The following ARL15 variants were observed in gnomAD, a reference collection of about 807,000 sequenced individuals.
The protein encoded by ARL15 is ADP-ribosylation factor-like protein 15.
ARL15 carries 19 observed loss-of-function variants against 25.2 expected under a neutral mutation model. The ratio of observed to expected loss-of-function variants is 0.75; its 90% CI spans 0.53 to 1.10. ARL15 has a LOEUF of 1.10. ARL15 is among the 50% of genes least tolerant of loss of function. ARL15 has a pLI of 0.00. For synonymous variants in ARL15, 94 were observed against 86.8 expected (o/e 1.08, Z -0.46); for missense variants, 220 against 246.0 (o/e 0.89, Z 0.71).
intron 1 of ARL15, among the ~76,000 whole-genome samples, chr5:54,254,591 T>C (rs1234622791): frequency 6.6e-6 from 1 of 152,226 alleles, no homozygotes; most frequent in Non-Finnish European, 1.5e-5. Context: ...AAGACCCTCA[T>C]GATGGTTTTA....
intron 1 of ARL15, among the ~76,000 whole-genome samples, chr5:54,184,299 C>G (rs925481004): frequency 1.4e-4 from 21 of 145,862 alleles, no homozygotes; most frequent in Non-Finnish European, 2.6e-4. Context: ...AAAAATTAGC[C>G]AGGTGTGATG....
At chr5:53,918,084 T>C (rs1189807226) in intron 4 of ARL15, among the ~76,000 whole-genome samples, 3 of 152,076 alleles carry the variant, frequency 2.0e-5, no homozygotes, top group Non-Finnish European at 4.4e-5. Flanking sequence ...CCAAGAACAC[T>C]AGATGCCCAA....
chr5:54,034,398 T>C (rs1272112563), intron 4 of ARL15, among the ~76,000 whole-genome samples: 1 of 152,086 alleles, frequency 6.6e-6, no homozygotes, highest in Non-Finnish European at 1.5e-5. Context: ...TTCAACCACA[T>C]GAATCTTGAA....
chr5:54,158,090 GA>G (rs1754294546), intron 2 of ARL15, among the ~76,000 whole-genome samples: 1 of 152,100 alleles, frequency 6.6e-6, no homozygotes, highest in Admixed American at 6.5e-5. Context: ...CAGGTTGGAT[GA>G]GGCCAAGGGG....
intron 1 of ARL15, among the ~76,000 whole-genome samples, chr5:54,225,712 A>T (rs568104295): frequency 2.0e-5 from 3 of 152,262 alleles, no homozygotes; most frequent in Non-Finnish European, 2.9e-5. Flanking sequence ...CCTGAAGCTG[A>T]CAAGAGGGTG....
intron 4 of ARL15, among the ~76,000 whole-genome samples, chr5:53,911,784 C>T (rs1286818426): frequency 1.3e-5 from 2 of 152,120 alleles, no homozygotes; most frequent in African/African-American, 4.8e-5. Context: ...AACATATGGT[C>T]ATCTGGCATT....
At chr5:53,992,144 G>A (rs758866488) in intron 4 of ARL15, among the ~76,000 whole-genome samples, 53 of 152,034 alleles carry the variant, frequency 3.5e-4, no homozygotes, top group Non-Finnish European at 5.6e-4. Context: ...GGAATGTAGC[G>A]CCATCTAATG....
intron 1 of ARL15, among the ~76,000 whole-genome samples, chr5:54,258,458 G>C (rs1314156923): frequency 6.6e-6 from 1 of 152,272 alleles, no homozygotes; most frequent in Non-Finnish European, 1.5e-5. Flanking sequence ...GATTCATAGA[G>C]AAAAATCAAG....
At chr5:54,167,844 C>G (rs553536963) in intron 2 of ARL15, among the ~76,000 whole-genome samples, 2 of 152,026 alleles carry the variant, frequency 1.3e-5, no homozygotes, top group African/African-American at 4.8e-5. Context: ...GCTCTTCATC[C>G]CCTCAATTCT....
intron 4 of ARL15, among the ~76,000 whole-genome samples, chr5:53,984,649 T>C (rs981715550): frequency 3.9e-5 from 6 of 152,196 alleles, no homozygotes; most frequent in African/African-American, 1.2e-4. Flanking sequence ...TAATAACTAT[T>C]ATTTACCATA....
chr5:54,127,852 A>T lies in ARL15; in HGVS notation c.254-14442T>A, dbSNP rs375799721. Reference sequence around the variant, plus strand: ...ATCAATGGAACAGAACAGAGCCCTCAGAAATAATGCCGCATATCTACAACT... The same window carrying T: ...ATCAATGGAACAGAACAGAGCCCTCTGAAATAATGCCGCATATCTACAACT... On this transcript the variant is annotated intron_variant, in intron 3 of 4. Coordinates refer to ENST00000504924, the MANE Select transcript of ARL15 (RefSeq NM_019087.3). Among the ~76,000 whole-genome samples the T allele has an allele frequency of 2.9e-3, 441 of 151,866 alleles. 1 individual carries two copies. Among genetic ancestry groups the T allele is most frequent in the African/African-American group, 9.5e-3 (395 of 41,434 alleles).
At chr5:53,907,481 TA>T (rs1423427024) in intron 4 of ARL15, among the ~76,000 whole-genome samples, 479 of 34,884 alleles carry the variant, frequency 0.014, 5 homozygotes, top group Non-Finnish European at 0.021. Context: ...TATATATATA[TA>T]TATATATTTT....
chr5:53,971,882 A>T (rs923735250), intron 4 of ARL15, among the ~76,000 whole-genome samples: 5 of 152,194 alleles, frequency 3.3e-5, no homozygotes, highest in African/African-American at 1.2e-4. Flanking sequence ...CTTCTCAACA[A>T]TTGCAATGTT....
chr5:54,125,579 C>T (rs1753222936), intron 3 of ARL15, among the ~76,000 whole-genome samples: 1 of 152,206 alleles, frequency 6.6e-6, no homozygotes, highest in Non-Finnish European at 1.5e-5. Context: ...TGCTGATCAG[C>T]ATGTGCGTTG....
At chr5:54,267,338 A>G (rs1278097510) in intron 1 of ARL15, among the ~76,000 whole-genome samples, 1 of 152,082 alleles carries the variant, frequency 6.6e-6, no homozygotes, top group East Asian at 1.9e-4. Flanking sequence ...TGATCTGCCC[A>G]CCTCAACCTC....
At chr5:53,992,122 A>G (rs56220547) in intron 4 of ARL15, among the ~76,000 whole-genome samples, 25,453 of 152,052 alleles carry the variant, frequency 0.17, 2,435 homozygotes, top group East Asian at 0.46. Flanking sequence ...GAAAGATATG[A>G]CATCGTCAAA....
At chr5:53,906,952 C>T (rs1363315171) in intron 4 of ARL15, among the ~76,000 whole-genome samples, 1 of 152,110 alleles carries the variant, frequency 6.6e-6, no homozygotes, top group Non-Finnish European at 1.5e-5. Flanking sequence ...GCTATTTTGA[C>T]CATGTGGCTC....
rs1744474825 is a variant in ARL15, at chr5:53,885,044, TA to T, written c.*1516del. 1 of 152,594 alleles carries T rather than the reference TA, an allele frequency of 6.6e-6. No individual in the cohort carries two copies. Among genetic ancestry groups the T allele is most frequent in the African/African-American group, 2.4e-5 (1 of 41,434 alleles). 9.5% of individuals were successfully genotyped at this position (152,594 alleles called of 1,614,324 possible). On this transcript the variant is annotated 3_prime_UTR_variant, in exon 5 of 5. Transcript: ENST00000504924. ...TTTCATTACAATCTACTCATAAGAT[TA>T]AACCACAAAAACTACATTTAAATGG... is the stretch of plus-strand genomic sequence containing the variant.
At chr5:54,116,236 G>A (rs1471627049) in intron 3 of ARL15, among the ~76,000 whole-genome samples, 1 of 152,162 alleles carries the variant, frequency 6.6e-6, no homozygotes, top group Non-Finnish European at 1.5e-5. Context: ...CCAAGGGCAG[G>A]CCTCTGGAGA....
Sources: gnomAD v4.1 joint callset for allele counts (sites outside exome capture counted in the v4.1 genomes callset) on GRCh38, gnomAD v4.1.1 for gene constraint, MANE v1.5 for transcripts, NCBI Gene and HGNC (gene_info 2026-07-23, HGNC 2026-07-21) for gene names.